Variants in ROR1 observed in about 807,000 individuals in gnomAD.
The protein encoded by ROR1 is inactive tyrosine-protein kinase transmembrane receptor ROR1.
In ROR1, 19 loss-of-function variants were observed where a neutral mutation model predicts 78.8. The observed-to-expected ratio is 0.24, with a 90% CI of 0.17 to 0.35. The LOEUF (loss-of-function observed/expected upper bound fraction) is 0.35. Ranked by LOEUF, ROR1 falls within the 10% of genes least tolerant of loss-of-function variation. The probability of loss-of-function intolerance (pLI) is 1.00; values close to 1 mark genes in which losing one functional copy is unlikely to be tolerated. For synonymous variants in ROR1, 386 were observed against 433.6 expected (o/e 0.89, Z 1.36); for missense variants, 917 against 1,177.8 (o/e 0.78, Z 3.24).
intron 1 of ROR1, among the ~76,000 whole-genome samples, chr1:63,918,713 GC>G (rs1270293345): frequency 6.6e-6 from 1 of 152,116 alleles, no homozygotes; most frequent in Non-Finnish European, 1.5e-5. Context: ...CGTCAGTGGT[GC>G]CAGAGACCGT....
At chr1:64,153,716 A>C (rs1649692848) in intron 7 of ROR1, among the ~76,000 whole-genome samples, 1 of 152,136 alleles carries the variant, frequency 6.6e-6, no homozygotes, top group Admixed American at 6.6e-5. Flanking sequence ...TCAGAAACAG[A>C]AAGTACCATG....
At chr1:63,848,965 A>G (rs1332426382) in intron 1 of ROR1, among the ~76,000 whole-genome samples, 1 of 152,200 alleles carries the variant, frequency 6.6e-6, no homozygotes, top group Non-Finnish European at 1.5e-5. Flanking sequence ...CTTAGATACC[A>G]AAGACTTATT....
intron 1 of ROR1, among the ~76,000 whole-genome samples, chr1:63,938,946 A>G (rs1645815081): frequency 6.6e-6 from 1 of 152,164 alleles, no homozygotes; most frequent in East Asian, 1.9e-4. Flanking sequence ...TGAAGTGAGC[A>G]GTGATTGTGC....
intron 8 of ROR1, among the ~76,000 whole-genome samples, chr1:64,164,781 G>A (rs1650039618): frequency 6.6e-6 from 1 of 152,082 alleles, no homozygotes; most frequent in Admixed American, 6.5e-5. Context: ...GCCCCAGGGT[G>A]TGTTGTTCCC....
At chr1:63,782,653 T>C (rs1443996963) in intron 1 of ROR1, among the ~76,000 whole-genome samples, 1 of 151,864 alleles carries the variant, frequency 6.6e-6, no homozygotes, top group Non-Finnish European at 1.5e-5. Flanking sequence ...AGGACCAGCA[T>C]TTTTAGATAG....
chr1:63,987,349 A>G (rs1646260796), intron 1 of ROR1, among the ~76,000 whole-genome samples: 1 of 152,206 alleles, frequency 6.6e-6, no homozygotes, highest in Non-Finnish European at 1.5e-5. Context: ...CACTAAATAA[A>G]CAGCAATTGT....
At chr1:64,057,478 A>C (rs1312157926) in intron 4 of ROR1, among the ~76,000 whole-genome samples, 1 of 152,202 alleles carries the variant, frequency 6.6e-6, no homozygotes. Context: ...TATTACAAAG[A>C]ATTTGCTAAA....
chr1:63,918,592 G>C (rs1320783325), intron 1 of ROR1, among the ~76,000 whole-genome samples: 3 of 152,142 alleles, frequency 2.0e-5, no homozygotes, highest in Non-Finnish European at 4.4e-5. Flanking sequence ...ACATGCTCTC[G>C]AGAATTTAGG....
intron 1 of ROR1, among the ~76,000 whole-genome samples, chr1:63,981,494 T>G (rs1646209660): frequency 6.6e-6 from 1 of 152,156 alleles, no homozygotes; most frequent in Admixed American, 6.5e-5. Flanking sequence ...TTCTCTCTTC[T>G]TGCCTGGAGA....
chr1:63,940,196 T>C (rs997018651), intron 1 of ROR1, among the ~76,000 whole-genome samples: 2 of 152,082 alleles, frequency 1.3e-5, no homozygotes, highest in African/African-American at 4.8e-5. Flanking sequence ...CAGACCACTC[T>C]AAAGAACCAG....
intron 2 of ROR1, among the ~76,000 whole-genome samples, chr1:64,024,508 AC>A (rs1570075449): frequency 1.3e-5 from 2 of 152,136 alleles, no homozygotes; most frequent in African/African-American, 4.8e-5. Context: ...AACAAAAAAA[AC>A]AAAAACAAAT....
chr1:64,064,897 G>A (rs1056883330), intron 4 of ROR1, among the ~76,000 whole-genome samples: 2 of 152,086 alleles, frequency 1.3e-5, no homozygotes, highest in Non-Finnish European at 2.9e-5. Context: ...TTTCTCCTTT[G>A]ATCTTAGAGC....
intron 1 of ROR1, among the ~76,000 whole-genome samples, chr1:63,875,683 C>T (rs952603721): frequency 3.3e-5 from 5 of 152,144 alleles, no homozygotes; most frequent in African/African-American, 1.2e-4. Flanking sequence ...ACTGCACACT[C>T]ACAAGTTTAT....
At chr1:63,884,382 C>T (rs1569860000) in intron 1 of ROR1, among the ~76,000 whole-genome samples, 1 of 152,142 alleles carries the variant, frequency 6.6e-6, no homozygotes, top group East Asian at 1.9e-4. Flanking sequence ...GTAGTCTCTT[C>T]TCTCACTGGC....
intron 1 of ROR1, among the ~76,000 whole-genome samples, chr1:63,944,240 T>C (rs113890205): frequency 0.027 from 4,130 of 152,296 alleles, 154 homozygotes; most frequent in Admixed American, 0.12. Context: ...CACGTTGTGT[T>C]CATCTTTATG....
At chr1:63,781,956 T>C (rs1338587733) in intron 1 of ROR1, among the ~76,000 whole-genome samples, 2 of 152,156 alleles carry the variant, frequency 1.3e-5, no homozygotes, top group African/African-American at 4.8e-5. Flanking sequence ...GCTTTGGGTA[T>C]GGGAGGGGAT....
chr1:64,068,937 C>A (rs1646979572), intron 4 of ROR1, among the ~76,000 whole-genome samples: 1 of 152,050 alleles, frequency 6.6e-6, no homozygotes, highest in Non-Finnish European at 1.5e-5. Context: ...AAAGTTTCTG[C>A]AATTTTTCAA....
Position 64,140,353 on chromosome 1 carries a change from C to T in ROR1, c.855C>T (p.Leu285=). ...MRLKLPNCED[L]PQPESPEAAN... Reference sequence around the variant, plus strand: ...TGAAACTGCCAAACTGTGAAGATCTCCCCCAGCCAGAGAGCCCAGAAGCTG... The same window carrying T: ...TGAAACTGCCAAACTGTGAAGATCTTCCCCAGCCAGAGAGCCCAGAAGCTG... The change falls in exon 6 of 9, where the codon CTC becomes CTT. Residue 285 remains leucine (L), a synonymous_variant. Transcript: ENST00000371079. The T allele has an allele frequency of 6.2e-7, 1 of 1,614,022 alleles. No individual in the cohort carries two copies. Among genetic ancestry groups the T allele is most frequent in the Non-Finnish European group, 8.5e-7 (1 of 1,179,990 alleles).
At chr1:64,169,539 A>T (rs1650180492) in intron 8 of ROR1, among the ~76,000 whole-genome samples, 1 of 152,110 alleles carries the variant, frequency 6.6e-6, no homozygotes, top group Admixed American at 6.6e-5. Flanking sequence ...GGAATTCAAG[A>T]TGAGATTTGG....
Sources: allele counts gnomAD v4.1 joint callset (sites outside exome capture counted in the v4.1 genomes callset), GRCh38; gene constraint gnomAD v4.1.1; transcripts MANE v1.5; gene names NCBI Gene and HGNC (gene_info 2026-07-23, HGNC 2026-07-21).